The following TNIK variants were observed in gnomAD, a reference collection of about 807,000 sequenced individuals.
The protein encoded by TNIK is TRAF2 and NCK-interacting protein kinase.
A neutral mutation model predicts 191.3 loss-of-function variants in TNIK; 49 were observed. The ratio of observed to expected loss-of-function variants is 0.26; its 90% CI spans 0.20 to 0.32. The LOEUF (loss-of-function observed/expected upper bound fraction) is 0.32, where lower values mean the gene tolerates loss of function less well. TNIK is among the 10% of genes least tolerant of loss of function. The pLI is 1.00. For missense variants in TNIK, 1,155 were observed against 1,702.3 expected (o/e 0.68, Z 5.66); for synonymous variants, 594 against 600.9 (o/e 0.99, Z 0.17).
At chr3:171,209,802 A>C (rs1231064987) in intron 4 of TNIK, among the ~76,000 whole-genome samples, 1 of 152,234 alleles carries the variant, frequency 6.6e-6, no homozygotes, top group East Asian at 1.9e-4. Context: ...ATTAAATGAC[A>C]TGAAAATCTT....
At chr3:171,196,380 G>A (rs1325273497) in intron 4 of TNIK, among the ~76,000 whole-genome samples, 1 of 152,046 alleles carries the variant, frequency 6.6e-6, no homozygotes, top group Non-Finnish European at 1.5e-5. Context: ...TTTGCCTTTT[G>A]GTATAAGAAC....
intron 2 of TNIK, among the ~76,000 whole-genome samples, chr3:171,289,347 T>A (rs1751423622): frequency 6.6e-6 from 1 of 152,220 alleles, no homozygotes; most frequent in Admixed American, 6.5e-5. Flanking sequence ...TAAGTTAAAT[T>A]GGAGTTTGGT....
intron 1 of TNIK, among the ~76,000 whole-genome samples, chr3:171,423,182 C>A (rs1191376000): frequency 6.6e-6 from 1 of 152,122 alleles, no homozygotes; most frequent in Non-Finnish European, 1.5e-5. Flanking sequence ...TTCTTATACA[C>A]CAATAACGGA....
At chr3:171,289,195 C>A (rs1375991038) in intron 2 of TNIK, among the ~76,000 whole-genome samples, 2 of 152,130 alleles carry the variant, frequency 1.3e-5, no homozygotes, top group Non-Finnish European at 2.9e-5. Flanking sequence ...AGTTAGAACA[C>A]CTGGTTCTGC....
At chr3:171,336,203 C>T (rs1282402557) in intron 2 of TNIK, among the ~76,000 whole-genome samples, 2 of 152,122 alleles carry the variant, frequency 1.3e-5, no homozygotes, top group South Asian at 4.1e-4. Context: ...TTTTGTTTTC[C>T]TCCATTTTCC....
intron 15 of TNIK, 139 bp from the exon 16 acceptor site, chr3:171,129,017 GT>G: frequency 2.3e-6 from 3 of 1,324,682 alleles, no homozygotes; most frequent in Non-Finnish European, 3.0e-6. Context: ...ACAAAACTCT[GT>G]GCTGCATCAA....
chr3:171,293,713 T>A (rs1433327938), intron 2 of TNIK, among the ~76,000 whole-genome samples: 1 of 152,260 alleles, frequency 6.6e-6, no homozygotes, highest in African/African-American at 2.4e-5. Context: ...GTAGTGATAT[T>A]GTTTTTTATT....
chr3:171,106,373 G>A (rs74677213), intron 21 of TNIK, among the ~76,000 whole-genome samples: 3,091 of 152,208 alleles, frequency 0.02, 115 homozygotes, highest in African/African-American at 0.071. Context: ...TATTTACTGG[G>A]GGAGCCAAGA....
chr3:171,460,197 C>T lies in TNIK; in HGVS notation c.-134G>A. On this transcript the variant is annotated 5_prime_UTR_variant, in exon 1 of 33. Transcript: ENST00000436636. The surrounding 1 kb of genome is among the most constrained non-coding windows in gnomAD (Gnocchi z 6.8). ...GGCCCCGGGCCCAGCCTCCCCCGCC[C>T]ACCCCAGCCCCACAGCGCCGGATCC... The T allele has an allele frequency of 8.9e-7, 1 of 1,129,678 alleles. No homozygotes were observed. Among genetic ancestry groups the T allele is most frequent in the Non-Finnish European group, 1.3e-6 (1 of 789,538 alleles). The allele number at this position is 1,129,678 out of a possible 1,614,324, so 70.0% of individuals were successfully genotyped here.
intron 27 of TNIK, among the ~76,000 whole-genome samples, 196 bp downstream of exon 27, chr3:171,082,055 A>C (rs1720762315): frequency 1.3e-5 from 2 of 152,206 alleles, no homozygotes; most frequent in Non-Finnish European, 2.9e-5. Flanking sequence ...GATTTAATGC[A>C]GAGGTGAGAG....
intron 7 of TNIK, among the ~76,000 whole-genome samples, chr3:171,184,515 T>C (rs1358903327): frequency 6.6e-6 from 1 of 152,180 alleles, no homozygotes; most frequent in Non-Finnish European, 1.5e-5. Flanking sequence ...CACAGAAATA[T>C]GTTGAATAGG....
At chr3:171,066,120 A>G in intron 32 of TNIK, 67 bp downstream of exon 32, 1 of 1,579,102 alleles carries the variant, frequency 6.3e-7, no homozygotes, top group Non-Finnish European at 8.6e-7. Context: ...AGGAAAATGA[A>G]GGTTTCACAG....
At chr3:171,445,903 T>C (rs1419861652) in intron 1 of TNIK, among the ~76,000 whole-genome samples, 2 of 152,314 alleles carry the variant, frequency 1.3e-5, no homozygotes, top group East Asian at 3.9e-4. Context: ...GGGCATGAAA[T>C]GTAGAGAGGG....
intron 1 of TNIK, among the ~76,000 whole-genome samples, chr3:171,414,156 A>T (rs748084734): frequency 1.3e-5 from 2 of 152,230 alleles, no homozygotes; most frequent in Non-Finnish European, 2.9e-5. Flanking sequence ...CAAGAAGCAC[A>T]AAGCTGTTTC....
intron 2 of TNIK, among the ~76,000 whole-genome samples, chr3:171,331,790 C>T (rs889243644): frequency 8.5e-5 from 13 of 152,072 alleles, no homozygotes; most frequent in Admixed American, 5.2e-4. Context: ...CTAAGTCACA[C>T]GGGCCTTTTT....
chr3:171,368,942 T>G lies in TNIK; in HGVS notation c.123+678A>C, dbSNP rs1278112914. On this transcript the variant is annotated intron_variant, in intron 2 of 32. Transcript: ENST00000436636. Reference sequence around the variant, plus strand: ...AAACAGTTCACTTTCATTTTTTTTGTTTTTTTTTTTGACAATCAGAAAAGG... The same window carrying G: ...AAACAGTTCACTTTCATTTTTTTTGGTTTTTTTTTTGACAATCAGAAAAGG... Among the ~76,000 whole-genome samples the G allele has an allele frequency of 1.4e-3, 5 of 3,654 alleles. No homozygotes were observed. In the South Asian group the frequency reaches 0.058, roughly 42 times the overall value. The allele number at this position is 3,654 out of a possible 152,430, so 2.4% of individuals were successfully genotyped here.
chr3:171,452,621 C>T (rs866729540), intron 1 of TNIK, among the ~76,000 whole-genome samples: 4 of 152,016 alleles, frequency 2.6e-5, no homozygotes, highest in South Asian at 2.1e-4. Flanking sequence ...CGTTGTCTTC[C>T]AGTGGGCCAC....
intron 2 of TNIK, among the ~76,000 whole-genome samples, chr3:171,258,138 G>C (rs1747120906): frequency 6.6e-6 from 1 of 152,134 alleles, no homozygotes; most frequent in African/African-American, 2.4e-5. Flanking sequence ...TCATCTCTGG[G>C]AAGACACGTG....
chr3:171,137,297 C>T (rs756803077), intron 15 of TNIK, among the ~76,000 whole-genome samples: 44 of 151,130 alleles, frequency 2.9e-4, no homozygotes, highest in Non-Finnish European at 5.9e-4. Context: ...TTCTAGATAA[C>T]TTGAAAAAAG....
Sources: gnomAD v4.1 joint callset for allele counts (sites outside exome capture counted in the v4.1 genomes callset) on GRCh38, gnomAD v4.1.1 for gene constraint, Gnocchi (gnomAD v3.1) non-coding constraint, MANE v1.5 for transcripts, NCBI Gene and HGNC (gene_info 2026-07-23, HGNC 2026-07-21) for gene names.